FBXL13: variants seen among roughly 807,000 people sequenced by gnomAD.
The protein encoded by FBXL13 is F-box and leucine rich repeat protein 13, also known as F-box and leucine-rich repeat protein 13.
In FBXL13, 67 loss-of-function variants were observed where a neutral mutation model predicts 83.6. That is an observed-to-expected ratio of 0.80 (90% CI 0.66 to 0.98). The LOEUF (loss-of-function observed/expected upper bound fraction) is 0.98. FBXL13 is among the 50% of genes least tolerant of loss of function. The pLI is 0.00. For synonymous variants in FBXL13, 272 were observed against 299.5 expected (o/e 0.91, Z 0.95); for missense variants, 822 against 866.5 (o/e 0.95, Z 0.64).
At chr7:102,818,231 A>G (rs1231531342) in intron 19 of FBXL13, among the ~76,000 whole-genome samples, 1 of 152,226 alleles carries the variant, frequency 6.6e-6, no homozygotes, top group Non-Finnish European at 1.5e-5. Context: ...CTTACTGACC[A>G]CATCCCTTGA....
chr7:102,893,450 A>G (rs1010315002), intron 11 of FBXL13, among the ~76,000 whole-genome samples: 1 of 152,194 alleles, frequency 6.6e-6, no homozygotes. Context: ...ATAACAAGAA[A>G]TAGATCCCAG....
At chr7:102,905,657 T>C (rs1813639994) in intron 11 of FBXL13, among the ~76,000 whole-genome samples, 1 of 152,188 alleles carries the variant, frequency 6.6e-6, no homozygotes, top group Non-Finnish European at 1.5e-5. Context: ...TGCTATTTTG[T>C]TATCTGTCTT....
rs190219536 is a variant in FBXL13, at chr7:102,816,649, T to G, written c.2019-3118A>C. Reference sequence around the variant, plus strand: ...AAAATTTAGATTCAGGGTGTACACGTGCAGGTTTGTTATGTGGGTATATTA... The same window carrying G: ...AAAATTTAGATTCAGGGTGTACACGGGCAGGTTTGTTATGTGGGTATATTA... On this transcript the variant is annotated intron_variant, in intron 19 of 19. Coordinates refer to ENST00000313221, the Ensembl canonical transcript of FBXL13. 8.5e-5 allele frequency among the ~76,000 whole-genome samples: 13 copies of G among 152,306 alleles called. No homozygotes were observed. In the South Asian group the frequency reaches 1.7e-3, roughly 19 times the overall value.
intron 2 of FBXL13, among the ~76,000 whole-genome samples, chr7:103,039,886 A>G (rs1795483161): frequency 6.6e-6 from 1 of 152,186 alleles, no homozygotes; most frequent in African/African-American, 2.4e-5. Context: ...CAAATGGTAA[A>G]GACCATCGAT....
chr7:102,856,198 C>T (rs1351629201), intron 16 of FBXL13, among the ~76,000 whole-genome samples: 1 of 152,136 alleles, frequency 6.6e-6, no homozygotes, highest in African/African-American at 2.4e-5. Flanking sequence ...TTTCTGCCTC[C>T]CTGTTTCAAA....
At chr7:103,035,120 T>C (rs560074019) in intron 2 of FBXL13, among the ~76,000 whole-genome samples, 6 of 152,230 alleles carry the variant, frequency 3.9e-5, no homozygotes, top group East Asian at 1.9e-4. Flanking sequence ...CTGAGTAAAG[T>C]TGGCAGGCAA....
chr7:103,049,802 T>G (rs1259439946), intron 2 of FBXL13, among the ~76,000 whole-genome samples: 1 of 152,174 alleles, frequency 6.6e-6, no homozygotes, highest in Non-Finnish European at 1.5e-5. Flanking sequence ...ATTTCTGGCT[T>G]TTAAACTTTA....
At chr7:102,837,860 C>CT (rs1802271991) in intron 17 of FBXL13, among the ~76,000 whole-genome samples, 2 of 152,326 alleles carry the variant, frequency 1.3e-5, no homozygotes, top group South Asian at 4.1e-4. Context: ...TCACTTTCTA[C>CT]TTGTATTATA....
At chr7:102,947,266 A>T (rs546560274) in intron 8 of FBXL13, among the ~76,000 whole-genome samples, 2 of 152,220 alleles carry the variant, frequency 1.3e-5, no homozygotes, top group Non-Finnish European at 2.9e-5. Flanking sequence ...AGGCAAGAGG[A>T]TTCTGGAATG....
intron 16 of FBXL13, among the ~76,000 whole-genome samples, chr7:102,873,339 C>T (rs914082074): frequency 2.0e-5 from 3 of 152,194 alleles, no homozygotes; most frequent in African/African-American, 7.2e-5. Flanking sequence ...GGCACACCAT[C>T]CTTTATGCAG....
intron 6 of FBXL13, among the ~76,000 whole-genome samples, chr7:103,015,797 C>CAAAAAA (rs56376102): frequency 2.2e-4 from 25 of 115,460 alleles, no homozygotes; most frequent in African/African-American, 6.2e-4. Flanking sequence ...ACTCTCATCT[C>CAAAAAA]AAAAAAAAAA....
In FBXL13 at chr7:103,055,767, T is replaced by C. The variant is rs1797272706; in HGVS notation, c.-104-20A>G. ...CAGTGCCTAGGGGAAAAAAGGGAAA[T>C]GGCATCAATGTTTCTGAATTTTCAC... On this transcript the variant is annotated intron_variant, in intron 1 of 19. Transcript: ENST00000313221. 2 of 1,079,392 alleles carry C rather than the reference T, an allele frequency of 1.9e-6. No individual in the cohort carries two copies. The highest frequency in any genetic ancestry group is 2.5e-6 in the Non-Finnish European group (2 of 812,434). 66.9% of individuals were successfully genotyped at this position (1,079,392 alleles called of 1,614,324 possible). A position where few individuals can be genotyped will look rare whatever the true frequency, so the allele number is the denominator to read the frequency against.
intron 1 of FBXL13, among the ~76,000 whole-genome samples, chr7:103,072,182 C>CA (rs879371785): frequency 0.029 from 3,318 of 114,160 alleles, 117 homozygotes; most frequent in African/African-American, 0.096. Flanking sequence ...GACTCTGTCT[C>CA]AAAAAAAAAA....
intron 14 of FBXL13, 114 bp downstream of exon 15, chr7:102,883,191 A>T (rs1333975199): frequency 1.9e-6 from 2 of 1,051,574 alleles, no homozygotes; most frequent in East Asian, 5.0e-5. Flanking sequence ...CTACTTTAAC[A>T]CATGAACTCT....
chr7:102,984,349 CCTAT>C (rs1055642669), intron 6 of FBXL13, among the ~76,000 whole-genome samples: 3 of 152,108 alleles, frequency 2.0e-5, no homozygotes, highest in African/African-American at 7.2e-5. Flanking sequence ...TAACTATCTA[CCTAT>C]CTATTTATCT....
At chr7:102,924,702 C>T (rs1817733922) in intron 10 of FBXL13, among the ~76,000 whole-genome samples, 3 of 139,280 alleles carry the variant, frequency 2.2e-5, no homozygotes, top group Admixed American at 1.6e-4. Context: ...AGTGCAGTGG[C>T]GCAATCTTGG....
chr7:102,825,271 C>T (rs1032525166), intron 18 of FBXL13, among the ~76,000 whole-genome samples: 1 of 152,066 alleles, frequency 6.6e-6, no homozygotes, highest in African/African-American at 2.4e-5. Context: ...AAGAGGTAAT[C>T]GGGTCATGAA....
chr7:102,978,341 C>T (rs1035651898), intron 6 of FBXL13: 3 of 152,222 alleles, frequency 2.0e-5, no homozygotes, highest in African/African-American at 7.2e-5. Context: ...CTCCCCAGGG[C>T]CTGAAAGCTT....
intron 1 of FBXL13, among the ~76,000 whole-genome samples, chr7:103,062,381 T>G (rs1179562767): frequency 6.6e-6 from 1 of 152,218 alleles, no homozygotes; most frequent in African/African-American, 2.4e-5. Flanking sequence ...CCAATAAGGC[T>G]TTATTATATG....
Sources: gnomAD v4.1 joint callset for allele counts (sites outside exome capture counted in the v4.1 genomes callset) on GRCh38, gnomAD v4.1.1 for gene constraint, MANE v1.5 for transcripts, NCBI Gene and HGNC (gene_info 2026-07-23, HGNC 2026-07-21) for gene names.